Variants in COL6A3 observed in about 807,000 individuals in gnomAD.
The protein encoded by COL6A3 is collagen alpha-3(VI) chain.
In COL6A3, 137 loss-of-function variants were observed where a neutral mutation model predicts 274.1. The observed-to-expected ratio is 0.50, with a 90% confidence interval of 0.44 to 0.58. The LOEUF is 0.58. COL6A3 is among the 20% of genes least tolerant of loss of function. The pLI, the probability that COL6A3 is intolerant of heterozygous loss-of-function variation, is 0.00. For missense variants in COL6A3, 3,950 were observed against 4,124.9 expected (o/e 0.96, Z 1.16); for synonymous variants, 1,650 against 1,650.6 (o/e 1.00, Z 0.01).
Position 237,368,541 on chromosome 2 carries a change from T to G in COL6A3, c.4900+22A>C. The G allele has an allele frequency of 1.2e-6, 2 of 1,613,492 alleles. No homozygotes were observed. The highest frequency in any genetic ancestry group is 1.7e-6 in the Non-Finnish European group (2 of 1,179,522). On this transcript the variant is annotated intron_variant, in intron 10 of 43. Transcript: ENST00000295550. The surrounding 1 kb of genome is among the most constrained non-coding windows in gnomAD (Gnocchi z 4.4). ...AAAATGTTGATGTCACACTCTGTAG[T>G]CATGGGTCACACGGTGCATACCTGG...
chr2:237,354,453 G>A (rs1012764614), intron 24 of COL6A3, among the ~76,000 whole-genome samples: 14 of 152,024 alleles, frequency 9.2e-5, no homozygotes, highest in Admixed American at 2.0e-4. Flanking sequence ...TGCTTCCTTC[G>A]CCCTGTTTTT....
intron 4 of COL6A3, chr2:237,386,605 A>G (rs1329936262): frequency 6.6e-6 from 1 of 152,186 alleles, no homozygotes; most frequent in Non-Finnish European, 1.5e-5. Context: ...CATTGAGCCC[A>G]TACTCTGGAA....
At chr2:237,395,516 G>A (rs562327308) in intron 2 of COL6A3, among the ~76,000 whole-genome samples, 70 of 152,256 alleles carry the variant, frequency 4.6e-4, no homozygotes, top group Admixed American at 9.2e-4. Context: ...GATTCCCTGT[G>A]GCAGTTTGAG....
chr2:237,364,256 GCGCT>G lies in COL6A3; in HGVS notation c.5917+90_5917+93del, dbSNP rs1363018450. The G allele has an allele frequency of 7.2e-6, 7 of 977,354 alleles. No individual in the cohort carries two copies. The highest frequency in any genetic ancestry group is 1.1e-5 in the Non-Finnish European group (7 of 611,638). The allele number at this position is 977,354 out of a possible 1,614,324, so 60.5% of individuals were successfully genotyped here. On this transcript the variant is annotated intron_variant, in intron 13 of 43. Transcript: ENST00000295550. This position sits in a 1 kb window ranked among gnomAD's most constrained non-coding sequence, Gnocchi z 4.6. ...CCCAAGACAACGCTGCTCCCTTGGGGCGCTGCATTAGCAGAGAGGTTTCTCTCCA... is the reference window on the plus strand; with the variant it reads ...CCCAAGACAACGCTGCTCCCTTGGGGGCATTAGCAGAGAGGTTTCTCTCCA...
chr2:237,384,886 G>A (rs2078106790), intron 4 of COL6A3, among the ~76,000 whole-genome samples: 2 of 152,068 alleles, frequency 1.3e-5, no homozygotes, highest in Non-Finnish European at 2.9e-5. Context: ...TGCATCCAGG[G>A]AGTCTGAACC....
intron 37 of COL6A3, 44 bp from the exon 38 acceptor site, chr2:237,341,194 G>A (rs372793439): frequency 2.6e-5 from 40 of 1,540,908 alleles, no homozygotes; most frequent in Non-Finnish European, 9.9e-6. Flanking sequence ...GACACCCACA[G>A]CAGGATACAC....
intron 1 of COL6A3, among the ~76,000 whole-genome samples, chr2:237,400,178 G>C (rs2078554307): frequency 6.6e-6 from 1 of 152,168 alleles, no homozygotes; most frequent in Admixed American, 6.5e-5. Flanking sequence ...TTAAAAAGAA[G>C]TCTGTTTCAC....
At chr2:237,357,679 G>T in intron 22 of COL6A3, 138 bp downstream of exon 22, 5 of 918,752 alleles carry the variant, frequency 5.4e-6, no homozygotes, top group Non-Finnish European at 9.1e-6. Flanking sequence ...CCTTCACGGG[G>T]ACTCTGCTGC....
At chr2:237,399,356 T>A (rs192543120) in intron 1 of COL6A3, among the ~76,000 whole-genome samples, 2 of 152,254 alleles carry the variant, frequency 1.3e-5, no homozygotes, top group Non-Finnish European at 2.9e-5. Context: ...CACAGAACAA[T>A]GATAGCCATG....
intron 5 of COL6A3, among the ~76,000 whole-genome samples, chr2:237,380,426 TCC>T (rs2077972534): frequency 3.3e-5 from 5 of 152,248 alleles, no homozygotes; most frequent in Admixed American, 3.3e-4. Flanking sequence ...CAATATGCTT[TCC>T]CATTGAGGGT....
chr2:237,365,747 A>T lies in COL6A3; in HGVS notation c.5789T>A (p.Leu1930Gln), dbSNP rs1204901225. The T allele has an allele frequency of 6.2e-7, 1 of 1,614,206 alleles. No homozygotes were observed. Among genetic ancestry groups the T allele is most frequent in the East Asian group, 2.2e-5 (1 of 44,862 alleles). ...QHPYVLTEDT[L>Q]KVYLNKFRQS... The stretch of plus-strand genomic sequence containing the variant: ...TCTGAACTTGTTCAGGTAGACCTTC[A>T]GGGTGTCCTCCGTGAGGACGTAGGG... The change falls in exon 12 of 44, where the codon CTG becomes CAG. Residue 1930 changes from leucine (L) to glutamine (Q), a missense_variant. Transcript: ENST00000295550.
chr2:237,338,979 G>A (rs373359691), intron 39 of COL6A3, 36 bp downstream of exon 39: 21 of 1,549,066 alleles, frequency 1.4e-5, no homozygotes, highest in East Asian at 2.2e-5. Flanking sequence ...TCCCTGCAGC[G>A]CTACAATTTT....
chr2:237,351,100 C>T, intron 27 of COL6A3, 30 bp downstream of exon 27: 1 of 1,611,570 alleles, frequency 6.2e-7, no homozygotes, highest in South Asian at 1.1e-5. Context: ...TCCCTGTCCT[C>T]AGGAAAGCTC....
chr2:237,342,416 TGGG>T (rs981985609), intron 36 of COL6A3: 1 of 526,212 alleles, frequency 1.9e-6, no homozygotes, highest in Admixed American at 3.1e-5. Context: ...AGCTGTAAAA[TGGG>T]GGGTAATACC....
Position 237,361,900 on chromosome 2 carries a change from T to G in COL6A3, c.6064-69A>C. The G allele has an allele frequency of 5.8e-6, 8 of 1,372,514 alleles. No individual in the cohort carries two copies. The highest frequency in any genetic ancestry group is 1.4e-5 in the African/African-American group (1 of 70,274). The allele number at this position is 1,372,514 out of a possible 1,614,324, so 85.0% of individuals were successfully genotyped here. A position where few individuals can be genotyped will look rare whatever the true frequency, so the allele number is the denominator to read the frequency against. On this transcript the variant is annotated intron_variant, in intron 14 of 43. Transcript: ENST00000295550. The surrounding 1 kb of genome is among the most constrained non-coding windows in gnomAD (Gnocchi z 5.1). ...GCCCAGCAGAAAATCATAAATGCGC[T>G]TTAAGGGTCAAAATCGGATGTGTGG...
intron 1 of COL6A3, among the ~76,000 whole-genome samples, chr2:237,398,296 G>A (rs970455831): frequency 6.6e-6 from 1 of 152,158 alleles, no homozygotes; most frequent in Non-Finnish European, 1.5e-5. Context: ...CCATACCCAC[G>A]CGCCTCTGGG....
intron 3 of COL6A3, among the ~76,000 whole-genome samples, chr2:237,390,454 C>A (rs1029258407): frequency 6.6e-6 from 1 of 152,178 alleles, no homozygotes; most frequent in Admixed American, 6.5e-5. Context: ...CACACAGGGG[C>A]CATGTGTGCT....
At chr2:237,391,504 C>CTCTT (rs2078286176) in intron 3 of COL6A3, among the ~76,000 whole-genome samples, 1 of 150,050 alleles carries the variant, frequency 6.7e-6, no homozygotes, top group Non-Finnish European at 1.5e-5. Flanking sequence ...GTCCCTTTCA[C>CTCTT]TGTTTGTTTG....
chr2:237,359,429 C>A, intron 17 of COL6A3, 41 bp from the exon 18 acceptor site: 1 of 1,612,156 alleles, frequency 6.2e-7, no homozygotes, highest in Non-Finnish European at 8.5e-7. Context: ...GCTTTTCCTG[C>A]AGGGCTGGTC....
Sources: gnomAD v4.1 joint callset for allele counts (sites outside exome capture counted in the v4.1 genomes callset) on GRCh38, gnomAD v4.1.1 for gene constraint, Gnocchi (gnomAD v3.1) non-coding constraint, MANE v1.5 for transcripts, NCBI Gene and HGNC (gene_info 2026-07-23, HGNC 2026-07-21) for gene names.